Variants in CNTN4 observed in about 807,000 individuals in gnomAD.
CNTN4 encodes the protein contactin-4.
CNTN4 carries 77 observed loss-of-function variants against 122.5 expected under a neutral mutation model. The ratio of observed to expected loss-of-function variants is 0.63; its 90% CI spans 0.52 to 0.76. The LOEUF (loss-of-function observed/expected upper bound fraction) is 0.76. Among genes scored for constraint, CNTN4 ranks in the 30% least tolerant of loss-of-function variants. The pLI, the probability that CNTN4 is intolerant of heterozygous loss-of-function variation, is 0.00. For synonymous variants in CNTN4, 512 were observed against 447.0 expected, an observed-to-expected ratio of 1.15 and a Z score of -1.83; for missense variants, 1,256 against 1,259.1, an observed-to-expected ratio of 1.00 and a Z score of 0.04.
intron 3 of CNTN4, among the ~76,000 whole-genome samples, chr3:2,346,212 G>A (rs1666330): frequency 0.34 from 52,221 of 151,666 alleles, 9,201 homozygotes; most frequent in Admixed American, 0.4. Context: ...TATTTCGGAC[G>A]TTTCACTGTT....
chr3:2,266,089 G>T (rs1361056331), intron 2 of CNTN4, among the ~76,000 whole-genome samples: 1 of 151,944 alleles, frequency 6.6e-6, no homozygotes, highest in Non-Finnish European at 1.5e-5. Context: ...GACTAGGATT[G>T]CCAGTACTAT....
chr3:2,402,920 G>A (rs1213581425), intron 3 of CNTN4, among the ~76,000 whole-genome samples: 2 of 152,102 alleles, frequency 1.3e-5, no homozygotes, highest in Non-Finnish European at 2.9e-5. Flanking sequence ...AGAGAGGAGT[G>A]TATTAACTTC....
rs200658001 is a variant in CNTN4 at position 3,035,073 on chromosome 3, A to G, written c.1942+283A>G. ...CTGCAATCCCAGCACTGTGGGAGGTAGAGTTGGATGGATCGCGTGAGCCCA... is the reference window on the plus strand; with the variant it reads ...CTGCAATCCCAGCACTGTGGGAGGTGGAGTTGGATGGATCGCGTGAGCCCA... On this transcript the variant is annotated intron_variant, in intron 17 of 24. Transcript: ENST00000418658. Among the ~76,000 whole-genome samples the G allele has an allele frequency of 5.3e-5, 8 of 152,082 alleles. No individual in the cohort carries two copies. In the East Asian group the frequency reaches 1.4e-3, roughly 26 times the overall value.
intron 8 of CNTN4, among the ~76,000 whole-genome samples, chr3:2,867,448 G>T (rs2093736724): frequency 6.6e-6 from 1 of 152,118 alleles, no homozygotes; most frequent in East Asian, 1.9e-4. Flanking sequence ...AATATTTCAA[G>T]AAAATATATG....
At chr3:2,618,369 A>G (rs2081860168) in intron 4 of CNTN4, among the ~76,000 whole-genome samples, 1 of 152,150 alleles carries the variant, frequency 6.6e-6, no homozygotes, top group African/African-American at 2.4e-5. Flanking sequence ...TACATTTTGT[A>G]TATATACATG....
chr3:2,643,043 C>T (rs907271998), intron 4 of CNTN4, among the ~76,000 whole-genome samples: 3 of 152,350 alleles, frequency 2.0e-5, no homozygotes, highest in South Asian at 2.1e-4. Context: ...TTATACACAA[C>T]TCTTGCCACA....
chr3:2,114,461 A>G (rs1057342002), intron 2 of CNTN4, among the ~76,000 whole-genome samples: 5 of 152,128 alleles, frequency 3.3e-5, no homozygotes, highest in African/African-American at 1.2e-4. Flanking sequence ...CCTTGTCTCA[A>G]AAAATAAATA....
At chr3:2,248,571 A>G (rs376694138) in intron 2 of CNTN4, among the ~76,000 whole-genome samples, 18 of 152,138 alleles carry the variant, frequency 1.2e-4, no homozygotes, top group African/African-American at 4.3e-4. Flanking sequence ...AAAGGCCAAT[A>G]ACATTTGTAT....
intron 2 of CNTN4, chr3:2,238,950 C>G (rs567903933): frequency 7.5e-5 from 11 of 145,698 alleles, no homozygotes; most frequent in South Asian, 2.3e-4. Context: ...TGGTCTCGAT[C>G]TCCTGACCTC....
intron 4 of CNTN4, among the ~76,000 whole-genome samples, chr3:2,689,947 T>A (rs2085641132): frequency 6.6e-6 from 1 of 152,134 alleles, no homozygotes; most frequent in African/African-American, 2.4e-5. Context: ...TGTGTGTATT[T>A]TTTCATTATG....
At chr3:2,316,110 T>G (rs2150174074) in intron 2 of CNTN4, among the ~76,000 whole-genome samples, 1 of 152,262 alleles carries the variant, frequency 6.6e-6, no homozygotes, top group Non-Finnish European at 1.5e-5. Context: ...TCATCTTTTA[T>G]GATGAACACA....
intron 2 of CNTN4, among the ~76,000 whole-genome samples, chr3:2,178,199 C>A (rs2036840663): frequency 1.3e-5 from 2 of 152,008 alleles, no homozygotes; most frequent in Admixed American, 1.3e-4. Context: ...TTCTCAAGGG[C>A]CAGAGCTGTA....
intron 4 of CNTN4, among the ~76,000 whole-genome samples, chr3:2,686,800 A>C (rs1337754696): frequency 6.6e-6 from 1 of 152,154 alleles, no homozygotes; most frequent in East Asian, 1.9e-4. Flanking sequence ...GGACTTTCTT[A>C]TCACTTCTAT....
chr3:2,452,034 G>A (rs1171055875), intron 3 of CNTN4, among the ~76,000 whole-genome samples: 1 of 152,134 alleles, frequency 6.6e-6, no homozygotes, highest in Non-Finnish European at 1.5e-5. Context: ...TTAATTTAGA[G>A]TAGCCTGCAA....
At chr3:2,875,716 A>T (rs1449327281) in intron 8 of CNTN4, among the ~76,000 whole-genome samples, 1 of 152,194 alleles carries the variant, frequency 6.6e-6, no homozygotes, top group Admixed American at 6.6e-5. Context: ...ACTGTCCATT[A>T]AAATACTTGT....
chr3:2,783,374 C>G (rs992291764), intron 6 of CNTN4, among the ~76,000 whole-genome samples: 1 of 152,148 alleles, frequency 6.6e-6, no homozygotes, highest in Non-Finnish European at 1.5e-5. Flanking sequence ...TAGCTGCAGT[C>G]TGAATGCTAT....
chr3:3,018,397 G>A (rs1322114851), intron 14 of CNTN4, among the ~76,000 whole-genome samples: 1 of 152,118 alleles, frequency 6.6e-6, no homozygotes, highest in African/African-American at 2.4e-5. Context: ...GTTCTGTGGA[G>A]TATTCATTTT....
chr3:2,212,010 A>G (rs894416322), intron 2 of CNTN4, among the ~76,000 whole-genome samples: 2 of 151,980 alleles, frequency 1.3e-5, no homozygotes, highest in African/African-American at 4.8e-5. Flanking sequence ...GTCTTGCTCT[A>G]TTGCCCAGAC....
chr3:2,732,503 TA>T (rs11368854), intron 4 of CNTN4, among the ~76,000 whole-genome samples: 1,962 of 138,970 alleles, frequency 0.014, 14 homozygotes, highest in Admixed American at 0.021. Context: ...CTTACTGTGA[TA>T]AAAAAAAAAA....
Sources: gnomAD v4.1 joint callset for allele counts (sites outside exome capture counted in the v4.1 genomes callset) on GRCh38, gnomAD v4.1.1 for gene constraint, MANE v1.5 for transcripts, NCBI Gene and HGNC (gene_info 2026-07-23, HGNC 2026-07-21) for gene names.